The following CNTN5 variants were observed in gnomAD, a reference collection of about 807,000 sequenced individuals.
The protein encoded by CNTN5 is contactin 5.
Under a neutral mutation model 129.1 loss-of-function variants are expected in CNTN5, and 77 were observed. The ratio of observed to expected loss-of-function variants is 0.60; its 90% CI spans 0.50 to 0.72. The LOEUF (loss-of-function observed/expected upper bound fraction) is 0.72, where lower values mean the gene tolerates loss of function less well. Ranked by LOEUF, CNTN5 falls within the 30% of genes least tolerant of loss-of-function variation. The probability of loss-of-function intolerance (pLI) is 0.00; values close to 1 mark genes in which losing one functional copy is unlikely to be tolerated. For synonymous variants in CNTN5, 509 were observed against 465.6 expected, an observed-to-expected ratio of 1.09 and a Z score of -1.20; for missense variants, 1,478 against 1,328.8, an observed-to-expected ratio of 1.11 and a Z score of -1.75.
intron 9 of CNTN5, among the ~76,000 whole-genome samples, chr11:100,012,732 G>T (rs1397988512): frequency 6.6e-6 from 1 of 152,116 alleles, no homozygotes; most frequent in Admixed American, 6.6e-5. Context: ...TTTTTACTTT[G>T]TCACAGCAAA....
At chr11:99,392,871 G>A (rs947749559) in intron 2 of CNTN5, among the ~76,000 whole-genome samples, 1 of 151,790 alleles carries the variant, frequency 6.6e-6, no homozygotes, top group East Asian at 1.9e-4. Context: ...AACAGGACAT[G>A]CCTAAACATT....
At chr11:99,240,756 T>C (rs1861506274) in intron 1 of CNTN5, among the ~76,000 whole-genome samples, 1 of 152,074 alleles carries the variant, frequency 6.6e-6, no homozygotes, top group Non-Finnish European at 1.5e-5. Context: ...CTAAAACAAA[T>C]ACAAACAAAC....
chr11:99,040,892 G>A (rs1863960702), intron 1 of CNTN5, among the ~76,000 whole-genome samples: 1 of 152,072 alleles, frequency 6.6e-6, no homozygotes, highest in Non-Finnish European at 1.5e-5. Context: ...CATTTCTTTA[G>A]TCACAATTTT....
Position 99,785,929 on chromosome 11 carries a change from CT to C in CNTN5, c.56-33612del, listed in dbSNP as rs769344028. ...AATGGGCAAAAGCTGGAGGCATTCC[CT>C]TTGAAAGCCGGCACAAGACAAGGAT... On this transcript the variant is annotated intron_variant, in intron 3 of 24. Coordinates refer to ENST00000524871, the MANE Select transcript of CNTN5 (RefSeq NM_014361.4). Among the ~76,000 whole-genome samples, 25 of 152,132 alleles carry C rather than the reference CT, an allele frequency of 1.6e-4. No homozygotes were observed. In the Middle Eastern group the frequency reaches 0.01, roughly 62 times the overall value.
At chr11:100,051,119 A>C (rs1942930904) in intron 9 of CNTN5, among the ~76,000 whole-genome samples, 1 of 152,108 alleles carries the variant, frequency 6.6e-6, no homozygotes. Flanking sequence ...AAATCAGTAA[A>C]GTACAGAAGA....
intron 1 of CNTN5, among the ~76,000 whole-genome samples, chr11:99,074,459 A>C (rs1055971967): frequency 6.6e-6 from 1 of 152,262 alleles, no homozygotes; most frequent in East Asian, 1.9e-4. Flanking sequence ...CCTTGGCAAT[A>C]CCATTTAGGA....
At chr11:99,518,282 A>G (rs1206715651) in intron 2 of CNTN5, among the ~76,000 whole-genome samples, 2 of 152,156 alleles carry the variant, frequency 1.3e-5, no homozygotes, top group Non-Finnish European at 2.9e-5. Context: ...GTTAAGACTC[A>G]GGTCGCCACT....
intron 9 of CNTN5, among the ~76,000 whole-genome samples, chr11:100,037,478 C>G (rs1358923890): frequency 1.3e-5 from 2 of 151,994 alleles, no homozygotes; most frequent in African/African-American, 2.4e-5. Context: ...TGATGCTGGC[C>G]TCATAAAATG....
At chr11:99,436,436 TC>T (rs1227188425) in intron 2 of CNTN5, among the ~76,000 whole-genome samples, 1 of 152,180 alleles carries the variant, frequency 6.6e-6, no homozygotes, top group Non-Finnish European at 1.5e-5. Flanking sequence ...CTACATAGCT[TC>T]CTTACATCTT....
intron 16 of CNTN5, among the ~76,000 whole-genome samples, chr11:100,253,098 C>T (rs1279662324): frequency 3.9e-5 from 6 of 152,172 alleles, no homozygotes; most frequent in Non-Finnish European, 2.9e-5. Flanking sequence ...TTAATGCTTT[C>T]TTCAAATGCC....
rs116394718 is a variant in CNTN5 at position 99,822,991 on chromosome 11, G to A, written c.277+3226G>A. ...ACAGGCCCACTGGGAGTGGCCTCTGGCCAACAGCCCAAGAGTAAGTGAAGG... is the reference window on the plus strand; with the variant it reads ...ACAGGCCCACTGGGAGTGGCCTCTGACCAACAGCCCAAGAGTAAGTGAAGG... On this transcript the variant is annotated intron_variant, in intron 4 of 24. Coordinates refer to ENST00000524871, the MANE Select transcript of CNTN5 (RefSeq NM_014361.4). Among the ~76,000 whole-genome samples, 952 of 152,276 alleles carry A rather than the reference G, an allele frequency of 6.3e-3. 11 individuals carry two copies. Among genetic ancestry groups the A allele is most frequent in the African/African-American group, 0.021 (859 of 41,532 alleles).
intron 3 of CNTN5, among the ~76,000 whole-genome samples, chr11:99,754,958 G>A (rs1191094885): frequency 6.6e-6 from 1 of 152,100 alleles, no homozygotes; most frequent in African/African-American, 2.4e-5. Context: ...CATTGATCAT[G>A]TTATTATTTC....
intron 15 of CNTN5, among the ~76,000 whole-genome samples, chr11:100,195,370 C>A (rs531656432): frequency 1.1e-4 from 16 of 151,900 alleles, no homozygotes; most frequent in Non-Finnish European, 2.2e-4. Context: ...TTGTTTTTGT[C>A]TCTTAGACAT....
chr11:99,043,904 C>T (rs11218174), intron 1 of CNTN5, among the ~76,000 whole-genome samples: 2,065 of 152,158 alleles, frequency 0.014, 49 homozygotes, highest in African/African-American at 0.047. Flanking sequence ...ATTTCAGCTC[C>T]GTGGATGTTC....
chr11:100,319,681 T>C (rs1951646386), intron 21 of CNTN5, among the ~76,000 whole-genome samples: 1 of 152,180 alleles, frequency 6.6e-6, no homozygotes, highest in African/African-American at 2.4e-5. Flanking sequence ...TTTGTATTCT[T>C]TGACCAACTG....
At chr11:100,272,549 A>T (rs538315274) in intron 18 of CNTN5, among the ~76,000 whole-genome samples, 1 of 152,184 alleles carries the variant, frequency 6.6e-6, no homozygotes, top group African/African-American at 2.4e-5. Flanking sequence ...AGAAAAAAAA[A>T]TCCCAAGATG....
intron 1 of CNTN5, among the ~76,000 whole-genome samples, chr11:99,301,804 A>G (rs1169640417): frequency 6.6e-6 from 1 of 151,794 alleles, no homozygotes; most frequent in Non-Finnish European, 1.5e-5. Context: ...TGTACATGAA[A>G]CTTCTAGATA....
chr11:99,569,809 C>T (rs1011838133), intron 3 of CNTN5, among the ~76,000 whole-genome samples: 12 of 151,974 alleles, frequency 7.9e-5, no homozygotes, highest in African/African-American at 2.4e-4. Context: ...AAGAAACATC[C>T]GAATAGGATG....
chr11:99,296,177 A>C (rs1864381590), intron 1 of CNTN5, among the ~76,000 whole-genome samples: 1 of 152,152 alleles, frequency 6.6e-6, no homozygotes, highest in Non-Finnish European at 1.5e-5. Context: ...AAAGTTGTTC[A>C]CATCAAGGAT....
Sources: allele counts gnomAD v4.1 joint callset (sites outside exome capture counted in the v4.1 genomes callset), GRCh38; gene constraint gnomAD v4.1.1; transcripts MANE v1.5; gene names NCBI Gene and HGNC (gene_info 2026-07-23, HGNC 2026-07-21).